Variants in RSRC1 observed in about 807,000 individuals in gnomAD.
RSRC1 encodes the protein serine/Arginine-related protein 53.
A neutral mutation model predicts 49.1 loss-of-function variants in RSRC1; 39 were observed. That is an observed-to-expected ratio of 0.79 (90% CI 0.61 to 1.04). RSRC1 has a LOEUF of 1.04. Ranked by LOEUF, RSRC1 falls within the 50% of genes least tolerant of loss-of-function variation. RSRC1 has a pLI of 0.00. For missense variants in RSRC1, 388 were observed against 402.4 expected (o/e 0.96, Z 0.31); for synonymous variants, 143 against 130.8 (o/e 1.09, Z -0.63).
At chr3:158,524,700 A>G (rs774147664) in intron 7 of RSRC1, among the ~76,000 whole-genome samples, 47 of 152,000 alleles carry the variant, frequency 3.1e-4, no homozygotes, top group Non-Finnish European at 5.6e-4. Context: ...GACCCCTTAT[A>G]TAGAACAATG....
At chr3:158,453,591 C>A (rs550499697) in intron 6 of RSRC1, among the ~76,000 whole-genome samples, 5 of 152,078 alleles carry the variant, frequency 3.3e-5, no homozygotes, top group African/African-American at 9.7e-5. Flanking sequence ...CCATGTTGTC[C>A]AGGCTGGTCT....
chr3:158,302,309 T>C (rs189436205), intron 5 of RSRC1, among the ~76,000 whole-genome samples: 2 of 152,184 alleles, frequency 1.3e-5, no homozygotes, highest in Admixed American at 6.5e-5. Flanking sequence ...TGATGCTGCA[T>C]ACTCAGTGGA....
At chr3:158,116,633 T>G (rs567671569) in intron 1 of RSRC1, among the ~76,000 whole-genome samples, 1 of 152,274 alleles carries the variant, frequency 6.6e-6, no homozygotes, top group Admixed American at 6.5e-5. Context: ...GCCAGCAGTT[T>G]TGTCCACTAT....
chr3:158,465,225 C>T (rs1737823612), intron 7 of RSRC1, among the ~76,000 whole-genome samples: 1 of 152,148 alleles, frequency 6.6e-6, no homozygotes, highest in Non-Finnish European at 1.5e-5. Flanking sequence ...ATGTAAGATA[C>T]TCATAGTGTG....
intron 5 of RSRC1, among the ~76,000 whole-genome samples, chr3:158,335,829 TTTAA>T (rs1729851922): frequency 6.6e-6 from 1 of 152,210 alleles, no homozygotes; most frequent in Non-Finnish European, 1.5e-5. Context: ...AAGTAATTTG[TTTAA>T]TTGATGAACA....
At chr3:158,203,726 G>A (rs1182415088) in intron 4 of RSRC1, among the ~76,000 whole-genome samples, 2 of 152,118 alleles carry the variant, frequency 1.3e-5, no homozygotes, top group African/African-American at 4.8e-5. Context: ...TTTTAGTATA[G>A]AATGGGAGCT....
rs550907690 is a variant in RSRC1 at position 158,183,644 on chromosome 3, C to T, written c.321-19428C>T. ...CTAAAGATTCCTTTTCAGCTGGGTT[C>T]GGTGGCTCATGCCTGTAATCCCAGC... On this transcript the variant is annotated intron_variant, in intron 3 of 9. Coordinates refer to ENST00000611884, the MANE Select transcript of RSRC1 (RefSeq NM_001271838.2). 2.2e-4 allele frequency among the ~76,000 whole-genome samples: 33 copies of T among 152,110 alleles called. No individual in the cohort carries two copies. The East Asian group carries it at 3.1e-3, about 14-fold the overall frequency.
intron 4 of RSRC1, among the ~76,000 whole-genome samples, chr3:158,211,458 C>T (rs772804084): frequency 6.6e-6 from 1 of 151,904 alleles, no homozygotes; most frequent in Non-Finnish European, 1.5e-5. Context: ...CCATGAATAA[C>T]GTAATAGATT....
intron 4 of RSRC1, among the ~76,000 whole-genome samples, chr3:158,231,309 TATTTTTA>T (rs1409040285): frequency 6.6e-6 from 1 of 151,916 alleles, no homozygotes; most frequent in African/African-American, 2.4e-5. Context: ...CTAATTTTTG[TATTTTTA>T]ATAGAGATGG....
At chr3:158,152,215 CAGTTTTA>C (rs1264706030) in intron 3 of RSRC1, among the ~76,000 whole-genome samples, 1 of 151,968 alleles carries the variant, frequency 6.6e-6, no homozygotes, top group Non-Finnish European at 1.5e-5. Context: ...AGCTGAACTT[CAGTTTTA>C]GGGAATCATA....
At chr3:158,173,543 T>G (rs1719007956) in intron 3 of RSRC1, among the ~76,000 whole-genome samples, 5 of 152,000 alleles carry the variant, frequency 3.3e-5, no homozygotes, top group African/African-American at 9.7e-5. Flanking sequence ...AAATATACAT[T>G]AAGAATTGAC....
intron 4 of RSRC1, among the ~76,000 whole-genome samples, chr3:158,220,102 A>G (rs944249655): frequency 5.9e-5 from 9 of 151,658 alleles, no homozygotes; most frequent in African/African-American, 2.2e-4. Context: ...TAAAATGGCC[A>G]TGATAAACAT....
chr3:158,341,429 G>C (rs1424616706), intron 5 of RSRC1, among the ~76,000 whole-genome samples: 1 of 152,168 alleles, frequency 6.6e-6, no homozygotes, highest in Non-Finnish European at 1.5e-5. Flanking sequence ...AAGAGCCAAT[G>C]TACAGCTCGG....
At chr3:158,468,127 G>C (rs376038895) in intron 7 of RSRC1, among the ~76,000 whole-genome samples, 18 of 152,236 alleles carry the variant, frequency 1.2e-4, no homozygotes, top group African/African-American at 3.9e-4. Context: ...TACAGATGGG[G>C]TTTCACCTTG....
At chr3:158,380,096 T>G (rs922378655) in intron 6 of RSRC1, among the ~76,000 whole-genome samples, 5 of 152,192 alleles carry the variant, frequency 3.3e-5, no homozygotes, top group Admixed American at 3.3e-4. Context: ...CATTTTTCTC[T>G]AGCTACTAAA....
At chr3:158,138,488 A>G (rs1716542305) in intron 3 of RSRC1, among the ~76,000 whole-genome samples, 1 of 152,218 alleles carries the variant, frequency 6.6e-6, no homozygotes. Context: ...TTTCCTGGGC[A>G]GGGCCCAGCC....
At chr3:158,249,207 T>G (rs1488203534) in intron 4 of RSRC1, among the ~76,000 whole-genome samples, 1 of 152,186 alleles carries the variant, frequency 6.6e-6, no homozygotes, top group Non-Finnish European at 1.5e-5. Flanking sequence ...ATGTTTTGAT[T>G]TACCTGTGAA....
intron 5 of RSRC1, among the ~76,000 whole-genome samples, chr3:158,325,613 G>A (rs1729083930): frequency 6.6e-6 from 1 of 152,148 alleles, no homozygotes; most frequent in Admixed American, 6.5e-5. Context: ...CCACTACCAT[G>A]CTGTTTTGGT....
At chr3:158,450,033 C>A in intron 6 of RSRC1, among the ~76,000 whole-genome samples, 1 of 151,974 alleles carries the variant, frequency 6.6e-6, no homozygotes, top group Non-Finnish European at 1.5e-5. Context: ...GACCATATTC[C>A]TTTCCTTAAT....
Sources: allele counts gnomAD v4.1 joint callset (sites outside exome capture counted in the v4.1 genomes callset), GRCh38; gene constraint gnomAD v4.1.1; transcripts MANE v1.5; gene names NCBI Gene and HGNC (gene_info 2026-07-23, HGNC 2026-07-21).